PTPRD: variants seen among roughly 807,000 people sequenced by gnomAD.
PTPRD encodes the protein protein tyrosine phosphatase receptor type D, also known as receptor-type tyrosine-protein phosphatase delta.
PTPRD carries 34 observed loss-of-function variants against 214.5 expected under a neutral mutation model. The observed-to-expected ratio is 0.16, with a 90% CI of 0.12 to 0.21. The LOEUF (loss-of-function observed/expected upper bound fraction) is 0.21. Ranked by LOEUF, PTPRD falls within the 10% of genes least tolerant of loss-of-function variation. The pLI is 1.00. For synonymous variants in PTPRD, 1,128 were observed against 845.7 expected, an observed-to-expected ratio of 1.33 and a Z score of -5.79; for missense variants, 2,545 against 2,398.7, an observed-to-expected ratio of 1.06 and a Z score of -1.27.
chr9:10,169,421 C>T (rs2099185436), intron 3 of PTPRD, among the ~76,000 whole-genome samples: 1 of 135,556 alleles, frequency 7.4e-6, no homozygotes, highest in Non-Finnish European at 1.5e-5. Flanking sequence ...TTGCAGTGAG[C>T]AGAGATCGCG....
chr9:10,055,594 A>G (rs1265037285), intron 3 of PTPRD, among the ~76,000 whole-genome samples: 1 of 152,078 alleles, frequency 6.6e-6, no homozygotes, highest in Non-Finnish European at 1.5e-5. Flanking sequence ...ATTATGATAT[A>G]TGGGGGCAAT....
chr9:10,360,724 T>C (rs1182621989), intron 2 of PTPRD, among the ~76,000 whole-genome samples: 1 of 152,214 alleles, frequency 6.6e-6, no homozygotes, highest in African/African-American at 2.4e-5. Flanking sequence ...TGATATTTAC[T>C]GTATTAAATA....
At chr9:9,959,663 G>A (rs1445436141) in intron 4 of PTPRD, among the ~76,000 whole-genome samples, 1 of 152,138 alleles carries the variant, frequency 6.6e-6, no homozygotes, top group Non-Finnish European at 1.5e-5. Context: ...AGAGGCAAAA[G>A]GAGGTGCACA....
At chr9:9,555,778 A>G (rs1005128454) in intron 8 of PTPRD, among the ~76,000 whole-genome samples, 1 of 152,186 alleles carries the variant, frequency 6.6e-6, no homozygotes, top group Non-Finnish European at 1.5e-5. Context: ...ATTATATTAT[A>G]TGAGAAAATT....
intron 9 of PTPRD, among the ~76,000 whole-genome samples, chr9:9,379,355 G>T (rs1204356151): frequency 6.6e-6 from 1 of 151,428 alleles, no homozygotes; most frequent in African/African-American, 2.4e-5. Context: ...GTATTTATGT[G>T]GGTCTATTTC....
chr9:8,743,314 T>C (rs1051612092), intron 11 of PTPRD, among the ~76,000 whole-genome samples: 1 of 152,148 alleles, frequency 6.6e-6, no homozygotes, highest in Non-Finnish European at 1.5e-5. Flanking sequence ...TTAGGCAGCA[T>C]AAATATTGTC....
At chr9:9,805,518 G>A (rs191986395) in intron 5 of PTPRD, among the ~76,000 whole-genome samples, 1 of 152,170 alleles carries the variant, frequency 6.6e-6, no homozygotes, top group Admixed American at 6.5e-5. Context: ...CTATCTGAAG[G>A]AACCCTTTCA....
rs1821331820 is a variant in PTPRD, at chr9:8,315,782, G to A, written c.*2092C>T. The A allele has an allele frequency of 4.4e-6, 1 of 228,232 alleles. No homozygotes were observed. The highest frequency in any genetic ancestry group is 1.8e-4 in the South Asian group (1 of 5,496). 14.1% of individuals were successfully genotyped at this position (228,232 alleles called of 1,614,324 possible). A position where few individuals can be genotyped will look rare whatever the true frequency, so the allele number is the denominator to read the frequency against. On this transcript the variant is annotated 3_prime_UTR_variant, in exon 46 of 46. Transcript: ENST00000381196. ...TCCTTCCATGCAGAACATCCATGAA[G>A]CTAAAATTAAACCAAAGTAGTATAC...
chr9:8,995,994 A>C (rs1261591134), intron 11 of PTPRD, among the ~76,000 whole-genome samples: 4 of 152,128 alleles, frequency 2.6e-5, no homozygotes, highest in Non-Finnish European at 5.9e-5. Flanking sequence ...GAACCATAAA[A>C]TATTGCTGAT....
At position 10,127,438 on chromosome 9, in the gene PTPRD, T is replaced by G. The variant is rs1372562678; in HGVS notation, c.-544-93648A>C. Among the ~76,000 whole-genome samples, 3 of 152,154 alleles carry G rather than the reference T, an allele frequency of 2.0e-5. No homozygotes were observed. In the South Asian group the frequency reaches 6.2e-4, roughly 32 times the overall value. On this transcript the variant is annotated intron_variant, in intron 3 of 45. Transcript: ENST00000381196. ...AGTCACTTATATTCAACATCTTAGG[T>G]TGATCCTAGAGAGCAAGACAGACAT... is the stretch of plus-strand genomic sequence containing the variant.
At chr9:9,541,369 T>A (rs1046406175) in intron 8 of PTPRD, among the ~76,000 whole-genome samples, 1 of 151,866 alleles carries the variant, frequency 6.6e-6, no homozygotes, top group African/African-American at 2.4e-5. Flanking sequence ...CATGTGAATA[T>A]AGCAGTCACA....
chr9:9,230,086 T>A (rs1288094416), intron 9 of PTPRD, among the ~76,000 whole-genome samples: 1 of 152,140 alleles, frequency 6.6e-6, no homozygotes, highest in East Asian at 1.9e-4. Context: ...TATTTGGTCT[T>A]TGTCCTCTGT....
At chr9:10,611,282 T>C (rs10809135) in intron 2 of PTPRD, among the ~76,000 whole-genome samples, 70,248 of 151,908 alleles carry the variant, frequency 0.46, 17,018 homozygotes, top group East Asian at 0.73. Flanking sequence ...TTTGTCTAAG[T>C]TGCAACTCCT....
chr9:8,444,832 C>G (rs980106311), intron 34 of PTPRD, among the ~76,000 whole-genome samples: 3 of 152,112 alleles, frequency 2.0e-5, no homozygotes, highest in African/African-American at 7.2e-5. Context: ...AAAGAGAAAA[C>G]TTTCCTTGCA....
intron 8 of PTPRD, among the ~76,000 whole-genome samples, chr9:9,485,412 C>G (rs1405141503): frequency 1.3e-5 from 2 of 152,142 alleles, no homozygotes; most frequent in Non-Finnish European, 2.9e-5. Flanking sequence ...ATGAATATAG[C>G]ACCTCTACTT....
chr9:8,639,109 G>A (rs1403876878), intron 12 of PTPRD, among the ~76,000 whole-genome samples: 2 of 152,144 alleles, frequency 1.3e-5, no homozygotes, highest in Non-Finnish European at 1.5e-5. Context: ...CCAAAGTGCT[G>A]GGATTACAGG....
At chr9:9,352,594 G>T (rs746856471) in intron 9 of PTPRD, among the ~76,000 whole-genome samples, 1 of 151,740 alleles carries the variant, frequency 6.6e-6, no homozygotes, top group Non-Finnish European at 1.5e-5. Context: ...AGTTTTATTT[G>T]TAAATCTCAG....
At chr9:9,955,829 G>A (rs1274605924) in intron 4 of PTPRD, among the ~76,000 whole-genome samples, 1 of 151,938 alleles carries the variant, frequency 6.6e-6, no homozygotes, top group African/African-American at 2.4e-5. Flanking sequence ...GCCTATTTGG[G>A]TTCTTAAGAA....
chr9:10,175,870 T>C (rs557526866), intron 3 of PTPRD, among the ~76,000 whole-genome samples: 2 of 152,020 alleles, frequency 1.3e-5, no homozygotes, highest in South Asian at 4.1e-4. Context: ...AAACTAAAAT[T>C]AAAATAAATC....
Sources: gnomAD v4.1 joint callset for allele counts (sites outside exome capture counted in the v4.1 genomes callset) on GRCh38, gnomAD v4.1.1 for gene constraint, MANE v1.5 for transcripts, NCBI Gene and HGNC (gene_info 2026-07-23, HGNC 2026-07-21) for gene names.